CREB5: variants seen among roughly 807,000 people sequenced by gnomAD.
The protein encoded by CREB5 is cAMP responsive element binding protein 5.
CREB5 carries 19 observed loss-of-function variants against 57.1 expected under a neutral mutation model. That is an observed-to-expected ratio of 0.33 (90% CI 0.23 to 0.49). The LOEUF is 0.49. Ranked by LOEUF, CREB5 falls within the 20% of genes least tolerant of loss-of-function variation. CREB5 has a pLI of 0.99. For missense variants in CREB5, 579 were observed against 671.6 expected (o/e 0.86, Z 1.52); for synonymous variants, 238 against 238.3 (o/e 1.00, Z 0.01).
chr7:28,375,525 A>C (rs1786805734), intron 1 of CREB5, among the ~76,000 whole-genome samples: 1 of 152,184 alleles, frequency 6.6e-6, no homozygotes, highest in South Asian at 2.1e-4. Context: ...GATTGCTTGT[A>C]ACACAAAGGA....
At chr7:28,377,935 AAAAAAAAAAAC>A (rs1288724578) in intron 1 of CREB5, among the ~76,000 whole-genome samples, 13 of 150,000 alleles carry the variant, frequency 8.7e-5, no homozygotes, top group Non-Finnish European at 1.6e-4. Context: ...CTATCTCAAA[AAAAAAAAAAAC>A]AAAAAAGAAA....
chr7:28,631,967 A>C (rs1185014868), intron 5 of CREB5, among the ~76,000 whole-genome samples: 1 of 152,166 alleles, frequency 6.6e-6, no homozygotes, highest in Non-Finnish European at 1.5e-5. Flanking sequence ...GTGCTGGAGA[A>C]AAGGAGTCAA....
At chr7:28,545,222 G>A (rs1794368745) in intron 4 of CREB5, among the ~76,000 whole-genome samples, 1 of 152,108 alleles carries the variant, frequency 6.6e-6, no homozygotes, top group Admixed American at 6.5e-5. Context: ...CTAAACCAAA[G>A]CCAAACAAAA....
intron 5 of CREB5, among the ~76,000 whole-genome samples, chr7:28,585,016 T>C (rs1332278219): frequency 6.6e-6 from 1 of 152,168 alleles, no homozygotes; most frequent in East Asian, 1.9e-4. Flanking sequence ...AGTGACTATC[T>C]TCTATGAAAG....
intron 1 of CREB5, among the ~76,000 whole-genome samples, chr7:28,392,555 T>C (rs1423682475): frequency 6.6e-6 from 1 of 152,238 alleles, no homozygotes; most frequent in African/African-American, 2.4e-5. Flanking sequence ...GATTACATGT[T>C]ATGGGTTTTG....
chr7:28,754,147 G>T (rs755429296), intron 7 of CREB5, among the ~76,000 whole-genome samples: 1 of 152,092 alleles, frequency 6.6e-6, no homozygotes, highest in Non-Finnish European at 1.5e-5. Flanking sequence ...CATTGTGGCC[G>T]GGTGAGGTCA....
intron 7 of CREB5, among the ~76,000 whole-genome samples, chr7:28,763,428 T>A (rs1789403741): frequency 6.6e-6 from 1 of 152,200 alleles, no homozygotes; most frequent in African/African-American, 2.4e-5. Context: ...AATTTGAGTC[T>A]TTAGGAATAT....
At chr7:28,500,797 G>A (rs1792243029) in intron 3 of CREB5, among the ~76,000 whole-genome samples, 1 of 152,140 alleles carries the variant, frequency 6.6e-6, no homozygotes, top group Non-Finnish European at 1.5e-5. Context: ...GAACGAGTTA[G>A]GGTATTGTAA....
chr7:28,644,766 ACTGAC>A (rs1221637904), intron 5 of CREB5, among the ~76,000 whole-genome samples: 20 of 152,136 alleles, frequency 1.3e-4, no homozygotes, highest in Non-Finnish European at 2.8e-4. Context: ...AAAAGTGCTT[ACTGAC>A]CTGCAGCATT....
intron 1 of CREB5, among the ~76,000 whole-genome samples, chr7:28,381,105 A>T (rs16874556): frequency 0.02 from 2,974 of 152,062 alleles, 65 homozygotes; most frequent in East Asian, 0.091. Context: ...TAGGATCTTG[A>T]CCTCTCTTTA....
In CREB5 at chr7:28,818,058, A is replaced by G. The variant is rs779844690; in HGVS notation, c.1255-13A>G. The G allele has an allele frequency of 7.5e-6, 12 of 1,605,666 alleles. 1 individual carries two copies. In the Middle Eastern group the frequency reaches 8.3e-4, roughly 111 times the overall value. On this transcript the variant is annotated splice_polypyrimidine_tract_variant and intron_variant, in intron 9 of 10. Transcript: ENST00000357727. ...GGTCTTCTCAACATGGTTTTAATAC[A>G]TATCTCTTTTAGAATGAAGTGTCTA...
intron 4 of CREB5, among the ~76,000 whole-genome samples, chr7:28,534,618 GATA>G (rs1793879186): frequency 6.6e-6 from 1 of 152,158 alleles, no homozygotes; most frequent in Admixed American, 6.5e-5. Context: ...AGGAGTCTCA[GATA>G]ATATTTCCTT....
At chr7:28,631,342 A>T (rs1182294656) in intron 5 of CREB5, among the ~76,000 whole-genome samples, 1 of 152,214 alleles carries the variant, frequency 6.6e-6, no homozygotes, top group Non-Finnish European at 1.5e-5. Context: ...CCTGCGTTAA[A>T]GCCTCAGCTC....
intron 5 of CREB5, among the ~76,000 whole-genome samples, chr7:28,634,456 T>C (rs953760433): frequency 2.0e-5 from 3 of 152,198 alleles, no homozygotes; most frequent in Middle Eastern, 3.2e-3. Context: ...AATTCTTTTT[T>C]AAAAAATTAT....
intron 1 of CREB5, among the ~76,000 whole-genome samples, chr7:28,368,293 G>A (rs1377133451): frequency 3.3e-5 from 5 of 151,968 alleles, no homozygotes; most frequent in East Asian, 1.9e-4. Context: ...TACAGTATTC[G>A]GGTGACAAGT....
At chr7:28,523,091 A>G (rs73684389) in intron 4 of CREB5, among the ~76,000 whole-genome samples, 158 of 152,340 alleles carry the variant, frequency 1.0e-3, no homozygotes, top group African/African-American at 3.6e-3. Context: ...TAAAAGACCA[A>G]TGTCTGCTTG....
chr7:28,414,986 T>G (rs895473996), intron 1 of CREB5, among the ~76,000 whole-genome samples: 3 of 151,826 alleles, frequency 2.0e-5, no homozygotes, highest in Non-Finnish European at 4.4e-5. Flanking sequence ...CCAAGTTCAC[T>G]GTATTGCCTT....
chr7:28,684,109 C>T (rs1015260601), intron 5 of CREB5, among the ~76,000 whole-genome samples: 5 of 152,172 alleles, frequency 3.3e-5, no homozygotes, highest in African/African-American at 1.2e-4. Flanking sequence ...ATCTTGCCAA[C>T]CTGCCTTGAA....
intron 1 of CREB5, among the ~76,000 whole-genome samples, chr7:28,341,525 C>A (rs566730686): frequency 6.6e-6 from 1 of 152,204 alleles, no homozygotes; most frequent in African/African-American, 2.4e-5. Flanking sequence ...AAATTTCTAA[C>A]GGACACCTTG....
Sources: allele counts gnomAD v4.1 joint callset (sites outside exome capture counted in the v4.1 genomes callset), GRCh38; gene constraint gnomAD v4.1.1; transcripts MANE v1.5; gene names NCBI Gene and HGNC (gene_info 2026-07-23, HGNC 2026-07-21).